Variants in PARL observed in about 807,000 individuals in gnomAD.
PARL encodes presenilin-associated rhomboid-like protein, mitochondrial.
In PARL, 44 loss-of-function variants were observed where a neutral mutation model predicts 51.6. The ratio of observed to expected loss-of-function variants is 0.85; its 90% CI spans 0.67 to 1.10. The LOEUF (loss-of-function observed/expected upper bound fraction) is 1.10, where lower values mean the gene tolerates loss of function less well. Among genes scored for constraint, PARL ranks in the 50% least tolerant of loss-of-function variants. The pLI is 0.00. For synonymous variants in PARL, 172 were observed against 164.0 expected (o/e 1.05, Z -0.37); for missense variants, 441 against 469.5 (o/e 0.94, Z 0.56).
Position 183,836,436 on chromosome 3 carries a change from A to G in PARL, c.829-2611T>C, listed in dbSNP as rs373402905. Among the ~76,000 whole-genome samples the G allele has an allele frequency of 5.3e-5, 8 of 152,280 alleles. No homozygotes were observed. The East Asian group carries it at 1.5e-3, about 29-fold the overall frequency. ...CGATGTGGCTTTTATATAAATTTAA[A>G]TATTTATATGTCTGAATAAATCACA... is the stretch of plus-strand genomic sequence containing the variant. On this transcript the variant is annotated intron_variant, in intron 7 of 9. Coordinates refer to ENST00000317096, the MANE Select transcript of PARL (RefSeq NM_018622.7).
downstream of PARL, among the ~76,000 whole-genome samples, chr3:183,828,052 G>T (rs1727557781): frequency 6.6e-6 from 1 of 152,222 alleles, no homozygotes; most frequent in Non-Finnish European, 1.5e-5. Context: ...AGAAAGTGAA[G>T]CACCCTCGTG....
At chr3:183,838,278 G>A (rs1037176427) in intron 7 of PARL, among the ~76,000 whole-genome samples, 4 of 152,050 alleles carry the variant, frequency 2.6e-5, no homozygotes, top group Admixed American at 2.6e-4. Context: ...TCTTCCTGCC[G>A]TGGCTCCCAA....
At chr3:183,881,778 C>G (rs74914084) in intron 1 of PARL, among the ~76,000 whole-genome samples, 5,082 of 152,020 alleles carry the variant, frequency 0.033, 284 homozygotes, top group African/African-American at 0.11. Context: ...AGATACTGGG[C>G]GGGAGGATGG....
chr3:183,882,282 TAC>T (rs1222330580), intron 1 of PARL, among the ~76,000 whole-genome samples: 3,856 of 89,500 alleles, frequency 0.043, 109 homozygotes, highest in Non-Finnish European at 0.067. Context: ...TATATATATA[TAC>T]ACACACACAT....
At position 183,833,552 on chromosome 3, in the gene PARL, A is replaced by G. The variant is rs781645770; in HGVS notation, c.968T>C (p.Met323Thr). ...ATCAAAAAATTTCCATCCCAGGATC[A>G]TTCCTGCTGTATCCATGGCGATAAT... ...KAIIAMDTAGMILGWKFFDHA... is the reference protein window; with the variant it reads ...KAIIAMDTAGTILGWKFFDHA... The change falls in exon 9 of 10, where the codon ATG becomes ACG. Residue 323 changes from methionine (M) to threonine (T), a missense_variant. By Grantham distance (81) the Met-to-Thr change is moderately conservative. Coordinates refer to ENST00000317096, the MANE Select transcript of PARL (RefSeq NM_018622.7). 1.1e-5 allele frequency: 17 copies of G among 1,613,874 alleles called. No individual in the cohort carries two copies. The South Asian group carries it at 1.6e-4, about 16-fold the overall frequency.
In PARL at chr3:183,882,247, A is replaced by ATATATATATT. The variant is rs1553906090; in HGVS notation, c.125+2474_125+2475insAATATATATA. The stretch of plus-strand genomic sequence containing the variant: ...AATATATATATATATATATATATTT[A>ATATATATATT]TATATATATATATATATATATTTAT... On this transcript the variant is annotated intron_variant, in intron 1 of 9. Transcript: ENST00000317096. 1.7e-3 allele frequency among the ~76,000 whole-genome samples: 39 copies of ATATATATATT among 23,332 alleles called. 2 individuals are homozygous for ATATATATATT. Among genetic ancestry groups the ATATATATATT allele is most frequent in the African/African-American group, 3.9e-3 (39 of 10,042 alleles). The allele number at this position is 23,332 out of a possible 152,430, so 15.3% of individuals were successfully genotyped here.
chr3:183,876,469 A>G (rs534059261), intron 1 of PARL, among the ~76,000 whole-genome samples: 19 of 152,294 alleles, frequency 1.2e-4, no homozygotes, highest in Non-Finnish European at 2.6e-4. Context: ...GCACAGGTAC[A>G]AGAAGATGAA....
At chr3:183,828,434 C>A (rs116418968), downstream of PARL, among the ~76,000 whole-genome samples, 83 of 152,326 alleles carry the variant, frequency 5.4e-4, no homozygotes, top group African/African-American at 1.9e-3. Flanking sequence ...GCCGTTTCCT[C>A]GCTGGCAAAA....
chr3:183,864,921 T>TTC, intron 3 of PARL, among the ~76,000 whole-genome samples: 1 of 137,876 alleles, frequency 7.3e-6, no homozygotes, highest in African/African-American at 2.7e-5. Flanking sequence ...TTTTTTTTTT[T>TTC]CCGTATTTCA....
intron 4 of PARL, among the ~76,000 whole-genome samples, chr3:183,854,719 G>A (rs1394227977): frequency 1.4e-5 from 2 of 146,288 alleles, no homozygotes; most frequent in East Asian, 4.0e-4. Flanking sequence ...GATTAAGATG[G>A]TATATTTCAT....
chr3:183,862,821 G>A lies in PARL; in HGVS notation c.463-20C>T, dbSNP rs758849120. 2.7e-5 allele frequency: 43 copies of A among 1,602,246 alleles called. 1 individual carries two copies. The East Asian group carries it at 9.6e-4, about 36-fold the overall frequency. On this transcript the variant is annotated intron_variant, in intron 3 of 9. Coordinates refer to ENST00000317096, the MANE Select transcript of PARL (RefSeq NM_018622.7). ...GTTAATCTAAAACAGACAGAAAATTGCATCACCACATGTGAGAAATTTCAG... is the reference window on the plus strand; with the variant it reads ...GTTAATCTAAAACAGACAGAAAATTACATCACCACATGTGAGAAATTTCAG...
chr3:183,871,465 T>C (rs1287372187), intron 1 of PARL, among the ~76,000 whole-genome samples: 1 of 130,640 alleles, frequency 7.7e-6, no homozygotes, highest in African/African-American at 3.0e-5. Flanking sequence ...TAAATTTCCA[T>C]TAACAGGAGA....
intron 4 of PARL, among the ~76,000 whole-genome samples, chr3:183,852,229 A>G (rs77537289): frequency 5.3e-5 from 8 of 152,348 alleles, no homozygotes; most frequent in Non-Finnish European, 1.0e-4. Flanking sequence ...ATTAGTCACA[A>G]TAACCAAGAG....
At position 183,833,565 on chromosome 3, in the gene PARL, C is replaced by A; in HGVS notation, c.955G>T (p.Asp319Tyr). ...CATCCCAGGATCATTCCTGCTGTAT[C>A]CATGGCGATAATGGCTTTCAGGGCC... ...GNALKAIIAM[D>Y]TAGMILGWKF... The change falls in exon 9 of 10, where the codon GAT becomes TAT. Residue 319 changes from aspartate to tyrosine, a missense_variant. Transcript: ENST00000317096. The A allele has an allele frequency of 2.5e-6, 4 of 1,613,722 alleles. No homozygotes were observed. The highest frequency in any genetic ancestry group is 1.1e-5 in the South Asian group (1 of 91,078).
At chr3:183,874,087 G>A (rs1480054817) in intron 1 of PARL, among the ~76,000 whole-genome samples, 3 of 152,114 alleles carry the variant, frequency 2.0e-5, no homozygotes, top group African/African-American at 7.2e-5. Flanking sequence ...TCACTTGGTG[G>A]CTCTGTGTCA....
rs1430711003 is a variant in PARL at position 183,876,503 on chromosome 3, C to A, written c.125+8219G>T. Among the ~76,000 whole-genome samples the A allele has an allele frequency of 2.7e-5, 4 of 150,930 alleles. No homozygotes were observed. In the East Asian group the frequency reaches 5.8e-4, roughly 22 times the overall value. On this transcript the variant is annotated intron_variant, in intron 1 of 9. Coordinates refer to ENST00000317096, the MANE Select transcript of PARL (RefSeq NM_018622.7). ...AATATTGTTTTCATGCCTGCTAACACAATGTCCATTCTGCAACCACATACA... is the reference window on the plus strand; with the variant it reads ...AATATTGTTTTCATGCCTGCTAACAAAATGTCCATTCTGCAACCACATACA...
intron 4 of PARL, among the ~76,000 whole-genome samples, chr3:183,858,263 G>A (rs193113482): frequency 1.5e-3 from 222 of 152,294 alleles, no homozygotes; most frequent in African/African-American, 5.2e-3. Context: ...TCAGGAATAG[G>A]TAAGGAGGCC....
downstream of PARL, among the ~76,000 whole-genome samples, chr3:183,828,348 C>T (rs919522916): frequency 6.6e-6 from 1 of 152,146 alleles, no homozygotes; most frequent in Non-Finnish European, 1.5e-5. Context: ...CATCTTGCCT[C>T]ATCTGTGTTG....
intron 1 of PARL, among the ~76,000 whole-genome samples, chr3:183,882,135 C>T (rs562162422): frequency 1.0e-4 from 15 of 144,666 alleles, no homozygotes; most frequent in African/African-American, 1.5e-4. Flanking sequence ...ACCCGGGAGG[C>T]GGAAGTTGCA....
Sources: allele counts gnomAD v4.1 joint callset (sites outside exome capture counted in the v4.1 genomes callset), GRCh38; gene constraint gnomAD v4.1.1; transcripts MANE v1.5; gene names NCBI Gene and HGNC (gene_info 2026-07-23, HGNC 2026-07-21).